ARL6IP4: variants seen among roughly 807,000 people sequenced by gnomAD.
The protein encoded by ARL6IP4 is ARF like GTPase 6 interacting protein 4.
In ARL6IP4, 24 loss-of-function variants were observed where a neutral mutation model predicts 28.1. That is an observed-to-expected ratio of 0.86 (90% CI 0.62 to 1.20). The LOEUF (loss-of-function observed/expected upper bound fraction) is 1.20. Ranked by LOEUF, ARL6IP4 falls within the 50% of genes most tolerant of loss-of-function variation. The pLI is 0.00. For synonymous variants in ARL6IP4, 162 were observed against 122.3 expected, an observed-to-expected ratio of 1.32 and a Z score of -2.14; for missense variants, 343 against 302.4, an observed-to-expected ratio of 1.13 and a Z score of -1.00.
At position 122,982,041 on chromosome 12, in the gene ARL6IP4, G is replaced by C; in HGVS notation, c.554G>C (p.Arg185Pro). 1 of 1,613,586 alleles carries C rather than the reference G, an allele frequency of 6.2e-7. No individual in the cohort carries two copies. The highest frequency in any genetic ancestry group is 8.5e-7 in the Non-Finnish European group (1 of 1,180,030). The change falls in exon 4 of 6, where the codon CGC (arginine) becomes CCC (proline). Residue 185 changes from arginine (R) to proline (P), a missense_variant. By Grantham distance (103) the Arg-to-Pro change is moderately radical (BLOSUM62 -2). Transcript: ENST00000315580. The part of the protein sequence containing the change: ...EEWDARQSII[R>P]KVVDPETGRT... Reference sequence around the variant, plus strand: ...TGGGATGCCCGGCAGAGCATCATCCGCAAGGTGGTGGACCCTGAGACGGGG... The same window carrying C: ...TGGGATGCCCGGCAGAGCATCATCCCCAAGGTGGTGGACCCTGAGACGGGG...
At chr12:122,980,680 C>A, upstream of ARL6IP4, 2 of 1,347,774 alleles carry the variant, frequency 1.5e-6, no homozygotes, top group Non-Finnish European at 1.9e-6. Context: ...CGGCCGGAAG[C>A]CTCCTCGCCG....
At position 122,982,771 on chromosome 12, in the gene ARL6IP4, C is replaced by T. The variant is rs927448226; in HGVS notation, c.*95C>T. On this transcript the variant is annotated 3_prime_UTR_variant, in exon 6 of 6. Transcript: ENST00000315580. Reference sequence around the variant, plus strand: ...GGGAAGCCTGATGGGTGCTGGTGGCCTTTCCCCCGTGGATTGGTCTCTGGC... The same window carrying T: ...GGGAAGCCTGATGGGTGCTGGTGGCTTTTCCCCCGTGGATTGGTCTCTGGC... 6 of 1,333,950 alleles carry T rather than the reference C, an allele frequency of 4.5e-6. No homozygotes were observed. The highest frequency in any genetic ancestry group is 1.8e-5 in the Admixed American group (1 of 55,486). 82.6% of individuals were successfully genotyped at this position (1,333,950 alleles called of 1,614,324 possible). A position where few individuals can be genotyped will look rare whatever the true frequency, so the allele number is the denominator to read the frequency against.
At chr12:122,980,645 C>T, upstream of ARL6IP4, 1 of 1,396,680 alleles carries the variant, frequency 7.2e-7, no homozygotes, top group Non-Finnish European at 9.3e-7. Context: ...CGCTTCCCAG[C>T]CGGCCAGCCT....
intron 3 of ARL6IP4, 23 bp from the exon 4 acceptor site, chr12:122,981,931 GCCA>G: frequency 6.2e-7 from 1 of 1,613,598 alleles, no homozygotes; most frequent in Non-Finnish European, 8.5e-7. Flanking sequence ...CCAAGGCCTG[GCCA>G]CCACCTCCGT....
rs2037630565 is a variant in ARL6IP4 at position 122,981,198 on chromosome 12, G to A, written c.59G>A (p.Gly20Glu). ...AGTCGCAGCCGGTCCCGGGGACGGG[G>A]GTCGGAAAAGAGAAAGAAGAAGAGC... ...SRSRSRSRGR[G>E]SEKRKKKSRK... The change falls in exon 2 of 6, where the codon GGG becomes GAG. Residue 20 changes from glycine to glutamate, a missense_variant. Gly to Glu is a moderately conservative substitution (Grantham distance 98). Transcript: ENST00000315580. The A allele has an allele frequency of 1.3e-6, 2 of 1,549,900 alleles. No individual in the cohort carries two copies. Among genetic ancestry groups the A allele is most frequent in the African/African-American group, 1.4e-5 (1 of 73,104 alleles).
At chr12:122,980,657 C>T (rs1272288417), upstream of ARL6IP4, 4 of 1,380,004 alleles carry the variant, frequency 2.9e-6, no homozygotes, top group Admixed American at 3.3e-5. Flanking sequence ...GGCCAGCCTC[C>T]CGCGCAGCGC....
upstream of ARL6IP4, chr12:122,980,350 G>A: frequency 8.4e-6 from 11 of 1,308,676 alleles, no homozygotes; most frequent in Non-Finnish European, 9.7e-6. Flanking sequence ...GGGCGCGTCG[G>A]AAAGACCAGG....
In ARL6IP4 at chr12:122,982,840, C is replaced by T; in HGVS notation, c.*164C>T. On this transcript the variant is annotated 3_prime_UTR_variant, in exon 6 of 6. Coordinates refer to ENST00000315580, the MANE Select transcript of ARL6IP4 (RefSeq NM_018694.4). ...AGGGGCAGGGGGTGGAGGTTGGGGT[C>T]ACCGGCCTGCTTGGCACCCCCATCT... The T allele has an allele frequency of 1.4e-6, 1 of 708,146 alleles. No homozygotes were observed. Among genetic ancestry groups the T allele is most frequent in the South Asian group, 1.8e-5 (1 of 55,888 alleles). The allele number at this position is 708,146 out of a possible 1,614,324, so 43.9% of individuals were successfully genotyped here.
chr12:122,980,260 C>T (rs2037580475), upstream of ARL6IP4: 6 of 1,244,060 alleles, frequency 4.8e-6, no homozygotes. Flanking sequence ...CCGGATGGGC[C>T]TGGGGTCCAT....
chr12:122,981,201 C>G lies in ARL6IP4; in HGVS notation c.62C>G (p.Ser21Trp), dbSNP rs1302766928. Residue 21 changes from serine to tryptophan, a missense_variant, in exon 2 of 6, where the codon TCG (serine) becomes TGG (tryptophan). Transcript: ENST00000315580. Reference protein sequence around the residue: ...RSRSRSRGRGSEKRKKKSRKD... With the variant: ...RSRSRSRGRGWEKRKKKSRKD... ...CGCAGCCGGTCCCGGGGACGGGGGT[C>G]GGAAAAGAGAAAGAAGAAGAGCAGG... The G allele has an allele frequency of 9.7e-6, 15 of 1,549,598 alleles. No homozygotes were observed. The highest frequency in any genetic ancestry group is 3.9e-5 in the Admixed American group (2 of 50,926).
chr12:122,981,137 G>T lies in ARL6IP4; in HGVS notation c.-3G>T. ...GTCTTCTTCGTCGCCAGCCCGCGGCGCCATGGCTCACGTCGGCTCCCGCAA... is the reference window on the plus strand; with the variant it reads ...GTCTTCTTCGTCGCCAGCCCGCGGCTCCATGGCTCACGTCGGCTCCCGCAA... On this transcript the variant is annotated 5_prime_UTR_variant, in exon 2 of 6. Coordinates refer to ENST00000315580, the MANE Select transcript of ARL6IP4 (RefSeq NM_018694.4). 1.3e-6 allele frequency: 2 copies of T among 1,547,980 alleles called. No homozygotes were observed. Among genetic ancestry groups the T allele is most frequent in the Non-Finnish European group, 1.7e-6 (2 of 1,145,986 alleles).
Position 122,982,886 on chromosome 12 carries a change from C to A in ARL6IP4, c.*210C>A. The A allele has an allele frequency of 1.6e-6, 1 of 606,454 alleles. No individual in the cohort carries two copies. The highest frequency in any genetic ancestry group is 2.9e-6 in the Non-Finnish European group (1 of 341,866). 37.6% of individuals were successfully genotyped at this position (606,454 alleles called of 1,614,324 possible). On this transcript the variant is annotated 3_prime_UTR_variant, in exon 6 of 6. Coordinates refer to ENST00000315580, the MANE Select transcript of ARL6IP4 (RefSeq NM_018694.4). ...CATCTGAAAGAGCAGCACTTCTCAG[C>A]TATTAAAGGCCCCCTGGATAGACTT...
Position 122,981,535 on chromosome 12 carries a change from G to A in ARL6IP4, c.161-36G>A, listed in dbSNP as rs368998231. 8.7e-5 allele frequency: 131 copies of A among 1,505,306 alleles called. 4 individuals carry two copies. The South Asian group carries it at 1.5e-3, about 17-fold the overall frequency. 93.2% of individuals were successfully genotyped at this position (1,505,306 alleles called of 1,614,324 possible). A position where few individuals can be genotyped will look rare whatever the true frequency, so the allele number is the denominator to read the frequency against. On this transcript the variant is annotated intron_variant, in intron 2 of 5. Coordinates refer to ENST00000315580, the MANE Select transcript of ARL6IP4 (RefSeq NM_018694.4). The stretch of plus-strand genomic sequence containing the variant: ...GTGCCTGCCCCAGGCCAGAGCAGGG[G>A]ACGAAGGTTTACCTCTTCCCCTCCT...
At chr12:122,982,577 CTGTT>C (rs751722781) in intron 5 of ARL6IP4, 39 bp downstream of exon 5, 12 of 1,614,062 alleles carry the variant, frequency 7.4e-6, no homozygotes, top group African/African-American at 6.7e-5. Flanking sequence ...GCCCCCAGCT[CTGTT>C]TGTGATGTAC....
chr12:122,980,575 C>T, upstream of ARL6IP4: 6 of 1,373,482 alleles, frequency 4.4e-6, no homozygotes, highest in Non-Finnish European at 5.6e-6. Context: ...CTTGCCTCTG[C>T]GGGAGGTGGG....
At chr12:122,980,773 C>T in intron 1 of ARL6IP4, 28 bp downstream of exon 1, 1 of 1,304,614 alleles carries the variant, frequency 7.7e-7, no homozygotes. Context: ...CCGGGGGCCC[C>T]CTTGAGGCGG....
intron 1 of ARL6IP4, 66 bp downstream of exon 1, chr12:122,980,811 G>A (rs1238518393): frequency 1.1e-5 from 14 of 1,327,432 alleles, no homozygotes; most frequent in Middle Eastern, 2.5e-4. Context: ...CGGGGCTGGA[G>A]GGTAGGAGAG....
chr12:122,982,041 G>A lies in ARL6IP4; in HGVS notation c.554G>A (p.Arg185His), dbSNP rs372275437. 25 of 1,613,586 alleles carry A rather than the reference G, an allele frequency of 1.5e-5. No homozygotes were observed. The Middle Eastern group carries it at 4.9e-4, about 32-fold the overall frequency. Residue 185 changes from arginine to histidine, a missense_variant, in exon 4 of 6, where the codon CGC (arginine) becomes CAC (histidine). Physicochemically the swap from Arg to His is conservative, Grantham distance 29 (BLOSUM62 0). Transcript: ENST00000315580. ...EEWDARQSIIRKVVDPETGRT... is the reference protein window; with the variant it reads ...EEWDARQSIIHKVVDPETGRT... ...TGGGATGCCCGGCAGAGCATCATCCGCAAGGTGGTGGACCCTGAGACGGGG... is the reference window on the plus strand; with the variant it reads ...TGGGATGCCCGGCAGAGCATCATCCACAAGGTGGTGGACCCTGAGACGGGG...
At chr12:122,981,905 G>A (rs1386890996) in intron 3 of ARL6IP4, 26 bp downstream of exon 3, 4 of 1,613,504 alleles carry the variant, frequency 2.5e-6, no homozygotes, top group Admixed American at 3.3e-5. Flanking sequence ...GCACCTGAGA[G>A]GGAGAAGGTC....
Sources: allele counts gnomAD v4.1 joint callset, GRCh38; gene constraint gnomAD v4.1.1; transcripts MANE v1.5; gene names NCBI Gene and HGNC (gene_info 2026-07-23, HGNC 2026-07-21).